The following ATP6V1E1 variants were observed in gnomAD, a reference collection of about 807,000 sequenced individuals.
ATP6V1E1 encodes V-type proton ATPase subunit E 1.
ATP6V1E1 carries 21 observed loss-of-function variants against 35.2 expected under a neutral mutation model. That is an observed-to-expected ratio of 0.60 (90% CI 0.42 to 0.86). The LOEUF (loss-of-function observed/expected upper bound fraction) is 0.86. Among genes scored for constraint, ATP6V1E1 ranks in the 40% least tolerant of loss-of-function variants. ATP6V1E1 has a pLI of 0.00. For synonymous variants in ATP6V1E1, 83 were observed against 87.8 expected (o/e 0.95, Z 0.30); for missense variants, 183 against 272.6 (o/e 0.67, Z 2.32).
Position 17,601,082 on chromosome 22 carries a change from A to G in ATP6V1E1, c.366+10T>C, listed in dbSNP as rs1415458255. ...TGGCTATCAACAGTAGATCTGGTCT[A>G]TGAGGGTACCTGGAGAACCAGTCCA... On this transcript the variant is annotated intron_variant, in intron 5 of 8. Transcript: ENST00000253413. 3.1e-6 allele frequency: 5 copies of G among 1,610,230 alleles called. No individual in the cohort carries two copies. The South Asian group carries it at 4.4e-5, about 14-fold the overall frequency.
chr22:17,609,730 A>C (rs2057805963), intron 4 of ATP6V1E1, among the ~76,000 whole-genome samples: 1 of 151,952 alleles, frequency 6.6e-6, no homozygotes, highest in Non-Finnish European at 1.5e-5. Flanking sequence ...CGGCCTCCCA[A>C]AGTGCTGGGA....
chr22:17,612,853 C>T lies in ATP6V1E1; in HGVS notation c.235G>A (p.Ala79Thr), dbSNP rs766546566. Residue 79 changes from alanine to threonine, a missense_variant, in exon 4 of 9, where the codon GCG becomes ACG. By Grantham distance (58) the Ala-to-Thr change is moderately conservative (BLOSUM62 0). Transcript: ENST00000253413. ...KIQMSNLMNQARLKVLRARDD... is the reference protein window; with the variant it reads ...KIQMSNLMNQTRLKVLRARDD... ...CTTGCTCTGAGGACTTTGAGTCTCGCTTGATTCATCAAATTGGACATCTGA... is the reference window on the plus strand; with the variant it reads ...CTTGCTCTGAGGACTTTGAGTCTCGTTTGATTCATCAAATTGGACATCTGA... 6.2e-7 allele frequency: 1 copy of T among 1,610,462 alleles called. No individual in the cohort carries two copies. Among genetic ancestry groups the T allele is most frequent in the Non-Finnish European group, 8.5e-7 (1 of 1,179,494 alleles).
At chr22:17,624,147 C>T (rs1299762495) in intron 1 of ATP6V1E1, among the ~76,000 whole-genome samples, 1 of 152,154 alleles carries the variant, frequency 6.6e-6, no homozygotes, top group Non-Finnish European at 1.5e-5. Context: ...GGGCTTGGTG[C>T]TTCATCTATT....
rs147264574 is a variant in ATP6V1E1, at chr22:17,616,034, A to AAAACAAAC, written c.100-2722_100-2715dup. ...GCGACAGTGCAAGACTCCATCTCAA[A>AAAACAAAC]AAACAAACAAACAAACAAACAAACA... On this transcript the variant is annotated intron_variant, in intron 2 of 8. Coordinates refer to ENST00000253413, the MANE Select transcript of ATP6V1E1 (RefSeq NM_001696.4). 7.8e-4 allele frequency among the ~76,000 whole-genome samples: 116 copies of AAAACAAAC among 147,864 alleles called. 1 individual carries two copies. Among genetic ancestry groups the AAAACAAAC allele is most frequent in the African/African-American group, 2.6e-3 (101 of 38,966 alleles).
At chr22:17,609,450 A>T (rs2057803538) in intron 4 of ATP6V1E1, among the ~76,000 whole-genome samples, 2 of 138,894 alleles carry the variant, frequency 1.4e-5, no homozygotes, top group Non-Finnish European at 3.1e-5. Context: ...GTGAGCCACC[A>T]TGCCCATCCT....
intron 3 of ATP6V1E1, 164 bp downstream of exon 3, chr22:17,613,047 C>CA: frequency 1.1e-6 from 1 of 894,068 alleles, no homozygotes; most frequent in South Asian, 1.6e-5. Flanking sequence ...ATAATCCTGT[C>CA]AGGCTTTAAT....
chr22:17,628,303 G>T (rs1054951436), intron 1 of ATP6V1E1, among the ~76,000 whole-genome samples: 2 of 152,192 alleles, frequency 1.3e-5, no homozygotes, highest in African/African-American at 4.8e-5. Flanking sequence ...ATCTCTGTCC[G>T]ACTAGGCACA....
At chr22:17,598,346 A>G in intron 6 of ATP6V1E1, 58 bp from the exon 7 acceptor site, 1 of 1,350,374 alleles carries the variant, frequency 7.4e-7, no homozygotes, top group Non-Finnish European at 1.1e-6. Flanking sequence ...AAGTATCCAA[A>G]AACTCAACAG....
chr22:17,605,693 C>CTTTTTTTTTTTTTTTTTTTTTTTTTTTTT (rs3044548), intron 4 of ATP6V1E1, among the ~76,000 whole-genome samples: 1 of 103,968 alleles, frequency 9.6e-6, no homozygotes, highest in Admixed American at 1.2e-4. Context: ...AGATGTTTCT[C>CTTTTTTTTTTTTTTTTTTTTTTTTTTTTT]TTTTTTTTTT....
At chr22:17,596,113 G>A (rs1000993831) in intron 7 of ATP6V1E1, among the ~76,000 whole-genome samples, 1 of 150,902 alleles carries the variant, frequency 6.6e-6, no homozygotes, top group African/African-American at 2.5e-5. Flanking sequence ...GCCTGGGTGA[G>A]AGTGAGACTC....
At chr22:17,616,230 C>T (rs2057843725) in intron 2 of ATP6V1E1, among the ~76,000 whole-genome samples, 1 of 152,124 alleles carries the variant, frequency 6.6e-6, no homozygotes, top group Admixed American at 6.6e-5. Flanking sequence ...GACCTGTAAT[C>T]CCAGCTACTC....
At chr22:17,611,099 T>A (rs1175882198) in intron 4 of ATP6V1E1, among the ~76,000 whole-genome samples, 2 of 149,468 alleles carry the variant, frequency 1.3e-5, no homozygotes, top group Non-Finnish European at 3.0e-5. Flanking sequence ...CAAGCCCTTC[T>A]ACAACAAACT....
At chr22:17,615,285 AG>A (rs1292088849) in intron 2 of ATP6V1E1, among the ~76,000 whole-genome samples, 1 of 152,134 alleles carries the variant, frequency 6.6e-6, no homozygotes, top group Non-Finnish European at 1.5e-5. Context: ...TGGGTGACAG[AG>A]CAAGACTCCA....
chr22:17,613,341 A>G (rs1430747753), intron 2 of ATP6V1E1, 21 bp from the exon 3 acceptor site: 2 of 1,591,806 alleles, frequency 1.3e-6, no homozygotes, highest in Non-Finnish European at 1.7e-6. Context: ...ATTAGTCAAT[A>G]TTAATTCATT....
chr22:17,603,632 G>C (rs909671435), intron 4 of ATP6V1E1, among the ~76,000 whole-genome samples: 1 of 152,168 alleles, frequency 6.6e-6, no homozygotes, highest in African/African-American at 2.4e-5. Flanking sequence ...GGGCAACAGA[G>C]TGAAACTCCA....
intron 1 of ATP6V1E1, among the ~76,000 whole-genome samples, chr22:17,623,721 A>T (rs529565112): frequency 1.8e-4 from 28 of 152,264 alleles, no homozygotes; most frequent in African/African-American, 6.0e-4. Context: ...AAATGCTACA[A>T]GTTTGGCCTC....
chr22:17,595,273 C>G (rs2057726091), intron 7 of ATP6V1E1: 1 of 152,270 alleles, frequency 6.6e-6, no homozygotes, highest in Middle Eastern at 3.4e-3. Context: ...TCTTGAACTC[C>G]TGACCTCAGG....
intron 4 of ATP6V1E1, among the ~76,000 whole-genome samples, chr22:17,606,560 A>G (rs964870832): frequency 6.6e-6 from 1 of 152,240 alleles, no homozygotes; most frequent in African/African-American, 2.4e-5. Context: ...ATTATAAGTC[A>G]GAGAAATAAT....
chr22:17,628,769 T>C (rs562172628), upstream of ATP6V1E1: 55 of 1,229,450 alleles, frequency 4.5e-5, no homozygotes, highest in African/African-American at 3.8e-4. Context: ...TTCCGGTTCC[T>C]GCCAGGTGAC....
Sources: gnomAD v4.1 joint callset for allele counts (sites outside exome capture counted in the v4.1 genomes callset) on GRCh38, gnomAD v4.1.1 for gene constraint, MANE v1.5 for transcripts, NCBI Gene and HGNC (gene_info 2026-07-23, HGNC 2026-07-21) for gene names.